The following MPPED1 variants were observed in gnomAD, a reference collection of about 807,000 sequenced individuals.
MPPED1 encodes the protein metallophosphoesterase domain containing 1, also known as metallophosphoesterase domain-containing protein 1.
In MPPED1, 16 loss-of-function variants were observed where a neutral mutation model predicts 36.2. The ratio of observed to expected loss-of-function variants is 0.44; its 90% CI spans 0.30 to 0.67. MPPED1 has a LOEUF of 0.67. MPPED1 is among the 30% of genes least tolerant of loss of function. The probability of loss-of-function intolerance (pLI) is 0.10; values close to 1 mark genes in which losing one functional copy is unlikely to be tolerated. For missense variants in MPPED1, 307 were observed against 453.4 expected (o/e 0.68, Z 2.93); for synonymous variants, 199 against 191.3 (o/e 1.04, Z -0.33).
intron 3 of MPPED1, among the ~76,000 whole-genome samples, chr22:43,453,390 G>C (rs1453579904): frequency 6.6e-6 from 1 of 151,970 alleles, no homozygotes; most frequent in African/African-American, 2.4e-5. Flanking sequence ...TGACACAAGG[G>C]CCAGATATCT....
intron 4 of MPPED1, among the ~76,000 whole-genome samples, chr22:43,496,592 A>G (rs866694748): frequency 0.053 from 188 of 3,580 alleles, no homozygotes; most frequent in Non-Finnish European, 0.055. Context: ...GGTGGTGGAG[A>G]TGGTGGTGGT....
chr22:43,432,792 GGAGA>G (rs370472816), intron 2 of MPPED1, among the ~76,000 whole-genome samples: 2 of 58,814 alleles, frequency 3.4e-5, no homozygotes, highest in African/African-American at 1.4e-4. Context: ...GAGAAAGGGA[GGAGA>G]GAGAGAGAAA....
intron 1 of MPPED1, among the ~76,000 whole-genome samples, chr22:43,413,026 G>T (rs1415241161): frequency 6.6e-6 from 1 of 152,180 alleles, no homozygotes; most frequent in Non-Finnish European, 1.5e-5. Flanking sequence ...TGGCCCAGTT[G>T]GTGTCAGGAG....
intron 1 of MPPED1, chr22:43,416,950 T>C (rs1929096509): frequency 1.0e-6 from 1 of 985,004 alleles, no homozygotes; most frequent in Non-Finnish European, 1.2e-6. Flanking sequence ...GCGAGCCGAC[T>C]GCATTCATAG....
At chr22:43,493,817 A>AT (rs1249861238) in intron 4 of MPPED1, among the ~76,000 whole-genome samples, 1 of 152,180 alleles carries the variant, frequency 6.6e-6, no homozygotes. Context: ...ACAGTGCTGC[A>AT]GGGGTGAAGG....
intron 4 of MPPED1, among the ~76,000 whole-genome samples, chr22:43,487,790 G>A (rs1208835374): frequency 1.3e-5 from 2 of 152,118 alleles, no homozygotes; most frequent in Non-Finnish European, 2.9e-5. Context: ...TGACTTCTCT[G>A]TGCTTCCGTT....
chr22:43,412,117 G>A lies in MPPED1; in HGVS notation c.-120G>A, dbSNP rs992655580. The A allele has an allele frequency of 3.2e-5, 31 of 979,510 alleles. 1 individual carries two copies. In the African/African-American group the frequency reaches 5.3e-4, roughly 17 times the overall value. 60.7% of individuals were successfully genotyped at this position (979,510 alleles called of 1,614,324 possible). A position where few individuals can be genotyped will look rare whatever the true frequency, so the allele number is the denominator to read the frequency against. ...CCTGCCTCCCTCGGTGCGCGCTGCT[G>A]CTCGCAGCCGCCGCGGCCGCCGAAG... On this transcript the variant is annotated 5_prime_UTR_variant, in exon 1 of 7. Transcript: ENST00000443721.
chr22:43,470,549 G>C lies in MPPED1; in HGVS notation c.407-4187G>C, dbSNP rs1475995931. On this transcript the variant is annotated intron_variant, in intron 3 of 6. Coordinates refer to ENST00000443721, the MANE Select transcript of MPPED1 (RefSeq NM_001044370.2). The stretch of plus-strand genomic sequence containing the variant: ...TGCATGCATCCATCTATCCATGTGT[G>C]CATCCATATATCCATCCATCTATAA... 4.6e-5 allele frequency among the ~76,000 whole-genome samples: 7 copies of C among 152,062 alleles called. No individual in the cohort carries two copies. The East Asian group carries it at 1.4e-3, about 29-fold the overall frequency.
At chr22:43,500,272 A>AGGTGGTGATGGTGATGGG (rs1344606345) in intron 5 of MPPED1, among the ~76,000 whole-genome samples, 1 of 8,256 alleles carries the variant, frequency 1.2e-4, no homozygotes, top group Non-Finnish European at 2.0e-4. Context: ...ATGGTGATGG[A>AGGTGGTGATGGTGATGGG]GGTGGCGGTG....
chr22:43,421,334 G>A (rs1049264029), intron 1 of MPPED1, among the ~76,000 whole-genome samples: 2 of 152,356 alleles, frequency 1.3e-5, no homozygotes, highest in Middle Eastern at 3.4e-3. Context: ...CTCTGAGCAG[G>A]GCCCGTTGCG....
At chr22:43,447,876 TATATATA>T (rs1290037317) in intron 3 of MPPED1, among the ~76,000 whole-genome samples, 27 of 31,730 alleles carry the variant, frequency 8.5e-4, no homozygotes, top group African/African-American at 1.5e-3. Context: ...TATATATATA[TATATATA>T]TTTTTTTTTT....
chr22:43,465,281 A>G (rs1015722505), intron 3 of MPPED1, among the ~76,000 whole-genome samples: 5 of 152,158 alleles, frequency 3.3e-5, no homozygotes, highest in Admixed American at 3.3e-4. Context: ...AGACCATGAC[A>G]GTTGGGAGGC....
chr22:43,454,350 A>C (rs944210594), intron 3 of MPPED1, among the ~76,000 whole-genome samples: 4 of 152,134 alleles, frequency 2.6e-5, no homozygotes, highest in African/African-American at 9.7e-5. Flanking sequence ...TCTGTTGCCA[A>C]GGCTGGAGTG....
intron 4 of MPPED1, among the ~76,000 whole-genome samples, chr22:43,483,307 G>A (rs904319449): frequency 2.0e-5 from 3 of 152,244 alleles, no homozygotes; most frequent in Non-Finnish European, 4.4e-5. Context: ...ATGCCTGGCC[G>A]GCCCCGAGGC....
chr22:43,499,426 A>T (rs1440471995), intron 5 of MPPED1, among the ~76,000 whole-genome samples: 1 of 71,732 alleles, frequency 1.4e-5, no homozygotes, highest in Non-Finnish European at 2.7e-5. Context: ...AGTGGTGGTG[A>T]TGTGGGAGGT....
chr22:43,419,540 C>A (rs912479454), intron 1 of MPPED1, among the ~76,000 whole-genome samples: 1 of 151,492 alleles, frequency 6.6e-6, no homozygotes, highest in African/African-American at 2.4e-5. Flanking sequence ...GGGAGTGGGG[C>A]TGGGGCCAGG....
chr22:43,471,297 C>G (rs8142313), intron 3 of MPPED1, among the ~76,000 whole-genome samples: 65,506 of 152,088 alleles, frequency 0.43, 14,957 homozygotes, highest in Non-Finnish European at 0.5. Context: ...AATCAGAGCC[C>G]GAAGGCAGCG....
intron 4 of MPPED1, among the ~76,000 whole-genome samples, chr22:43,478,957 T>C (rs1314001648): frequency 1.3e-5 from 2 of 152,238 alleles, no homozygotes; most frequent in Non-Finnish European, 2.9e-5. Flanking sequence ...CCCCAGGTGA[T>C]GCTAGAAGCT....
At chr22:43,481,987 G>A (rs1931762998) in intron 4 of MPPED1, among the ~76,000 whole-genome samples, 2 of 152,182 alleles carry the variant, frequency 1.3e-5, no homozygotes, top group South Asian at 2.1e-4. Flanking sequence ...GCGCCGTGAC[G>A]TTCCAGGGCT....
Sources: gnomAD v4.1 joint callset for allele counts (sites outside exome capture counted in the v4.1 genomes callset) on GRCh38, gnomAD v4.1.1 for gene constraint, MANE v1.5 for transcripts, NCBI Gene and HGNC (gene_info 2026-07-23, HGNC 2026-07-21) for gene names.